The following MTSS1 variants were observed in gnomAD, a reference collection of about 807,000 sequenced individuals.
MTSS1 encodes the protein MTSS I-BAR domain containing 1, also known as protein MTSS 1.
A neutral mutation model predicts 79.0 loss-of-function variants in MTSS1; 18 were observed. The observed-to-expected ratio is 0.23, with a 90% CI of 0.16 to 0.34. MTSS1 has a LOEUF of 0.34. Ranked by LOEUF, MTSS1 falls within the 10% of genes least tolerant of loss-of-function variation. The probability of loss-of-function intolerance (pLI) is 1.00; values close to 1 mark genes in which losing one functional copy is unlikely to be tolerated. For synonymous variants in MTSS1, 341 were observed against 368.6 expected, an observed-to-expected ratio of 0.93 and a Z score of 0.86; for missense variants, 815 against 986.2, an observed-to-expected ratio of 0.83 and a Z score of 2.33.
intron 13 of MTSS1, among the ~76,000 whole-genome samples, chr8:124,554,240 G>A (rs1823092333): frequency 6.6e-6 from 1 of 152,196 alleles, no homozygotes. Flanking sequence ...TGATGTGGGA[G>A]CTTACAGATT....
chr8:124,716,499 G>C (rs931698195), intron 1 of MTSS1, among the ~76,000 whole-genome samples: 1 of 152,068 alleles, frequency 6.6e-6, no homozygotes, highest in African/African-American at 2.4e-5. Flanking sequence ...GTGACCCAGG[G>C]GGCACTCCCA....
chr8:124,728,239 T>C lies in MTSS1; in HGVS notation c.-284A>G, dbSNP rs940193076. ...AGAAGACTGACAATCAGGCCACCACTGGTGCCCACTACGGAAACGGCAAAG... is the reference window on the plus strand; with the variant it reads ...AGAAGACTGACAATCAGGCCACCACCGGTGCCCACTACGGAAACGGCAAAG... On this transcript the variant is annotated 5_prime_UTR_variant, in exon 1 of 14. Coordinates refer to ENST00000518547, the MANE Select transcript of MTSS1 (RefSeq NM_014751.6). The surrounding 1 kb of genome is among the most constrained non-coding windows in gnomAD (Gnocchi z 6.1). 1.4e-4 allele frequency: 42 copies of C among 290,542 alleles called. No individual in the cohort carries two copies. The highest frequency in any genetic ancestry group is 7.8e-4 in the African/African-American group (36 of 45,882). 18.0% of individuals were successfully genotyped at this position (290,542 alleles called of 1,614,324 possible).
chr8:124,699,473 G>A (rs977613788), intron 3 of MTSS1, 53 bp downstream of exon 3: 2 of 1,510,606 alleles, frequency 1.3e-6, no homozygotes, highest in Admixed American at 3.4e-5. Context: ...CCAAGGGGAA[G>A]AGTCCACGTG....
At chr8:124,660,428 G>T (rs922306908) in intron 3 of MTSS1, among the ~76,000 whole-genome samples, 1 of 115,404 alleles carries the variant, frequency 8.7e-6, no homozygotes, top group Non-Finnish European at 1.7e-5. Context: ...TTGCCCATGC[G>T]CATGCACACA....
intron 8 of MTSS1, among the ~76,000 whole-genome samples, chr8:124,566,836 C>G (rs1251549728): frequency 1.3e-5 from 2 of 152,182 alleles, no homozygotes; most frequent in Non-Finnish European, 2.9e-5. Flanking sequence ...ATAAAACAAG[C>G]ATAATCATGA....
chr8:124,725,740 T>C (rs1241881146), intron 1 of MTSS1, among the ~76,000 whole-genome samples: 1 of 152,208 alleles, frequency 6.6e-6, no homozygotes, highest in Non-Finnish European at 1.5e-5. Context: ...CTGTTCAAAT[T>C]TAAAAATTTT....
intron 3 of MTSS1, among the ~76,000 whole-genome samples, chr8:124,652,447 T>G (rs1157075199): frequency 6.6e-6 from 1 of 151,954 alleles, no homozygotes; most frequent in African/African-American, 2.4e-5. Flanking sequence ...ATTACAGGAA[T>G]GAGCCACCAT....
intron 3 of MTSS1, among the ~76,000 whole-genome samples, chr8:124,651,928 G>A (rs973661970): frequency 6.6e-6 from 1 of 152,128 alleles, no homozygotes; most frequent in African/African-American, 2.4e-5. Context: ...GCCAGTCCTT[G>A]TCTGTCAGAA....
chr8:124,578,288 G>A (rs545082753), intron 6 of MTSS1, among the ~76,000 whole-genome samples: 2 of 152,144 alleles, frequency 1.3e-5, no homozygotes, highest in Non-Finnish European at 2.9e-5. Flanking sequence ...CACACACACA[G>A]TGTGACACGT....
chr8:124,627,569 G>A (rs1587404253), intron 3 of MTSS1, among the ~76,000 whole-genome samples: 1 of 152,256 alleles, frequency 6.6e-6, no homozygotes, highest in Non-Finnish European at 1.5e-5. Context: ...AGGAGACAGA[G>A]ACAATATAAG....
intron 3 of MTSS1, among the ~76,000 whole-genome samples, chr8:124,606,542 T>C (rs932380214): frequency 1.3e-5 from 2 of 152,088 alleles, no homozygotes; most frequent in African/African-American, 4.8e-5. Context: ...AATTCAGAAT[T>C]TACATCCAGG....
rs1826493436 is a variant in MTSS1 at position 124,683,661 on chromosome 8, G to A, written c.208+15865C>T. ...CATATCTGAATCTGGCTGCAAATCTGTCAAGACACAGGGCGGGTGGAAACA... is the reference window on the plus strand; with the variant it reads ...CATATCTGAATCTGGCTGCAAATCTATCAAGACACAGGGCGGGTGGAAACA... On this transcript the variant is annotated intron_variant, in intron 3 of 13. Transcript: ENST00000518547. This position sits in a 1 kb window ranked among gnomAD's most constrained non-coding sequence, Gnocchi z 4.5. 6.6e-6 allele frequency among the ~76,000 whole-genome samples: 1 copy of A among 152,196 alleles called. No homozygotes were observed. Among genetic ancestry groups the A allele is most frequent in the African/African-American group, 2.4e-5 (1 of 41,450 alleles).
chr8:124,574,993 T>C (rs972194283), intron 6 of MTSS1, among the ~76,000 whole-genome samples: 3 of 152,042 alleles, frequency 2.0e-5, no homozygotes, highest in Admixed American at 1.3e-4. Context: ...CCTTTCTTAG[T>C]GGTCTGGAAA....
At chr8:124,609,485 T>A (rs149445205) in intron 3 of MTSS1, among the ~76,000 whole-genome samples, 44 of 152,160 alleles carry the variant, frequency 2.9e-4, no homozygotes, top group African/African-American at 1.0e-3. Flanking sequence ...ACCTTCAGAG[T>A]GACTTGGTAT....
At chr8:124,623,947 G>A (rs935286371) in intron 3 of MTSS1, among the ~76,000 whole-genome samples, 8 of 152,192 alleles carry the variant, frequency 5.3e-5, no homozygotes, top group Non-Finnish European at 8.8e-5. Context: ...CGGGGCCCGC[G>A]CTAAGCACCT....
intron 1 of MTSS1, among the ~76,000 whole-genome samples, chr8:124,704,418 C>A (rs1436860326): frequency 6.6e-6 from 1 of 152,172 alleles, no homozygotes; most frequent in African/African-American, 2.4e-5. Flanking sequence ...ATCAACTGAA[C>A]TAGTTTGGCA....
chr8:124,714,043 A>G (rs1026420729), intron 1 of MTSS1, among the ~76,000 whole-genome samples: 21 of 152,200 alleles, frequency 1.4e-4, no homozygotes, highest in African/African-American at 5.1e-4. Context: ...CATGGCCATT[A>G]CGGCCATGAC....
At chr8:124,612,014 A>C (rs1419536253) in intron 3 of MTSS1, among the ~76,000 whole-genome samples, 1 of 152,218 alleles carries the variant, frequency 6.6e-6, no homozygotes, top group Non-Finnish European at 1.5e-5. Flanking sequence ...AAGGTTCCCA[A>C]TCAGGAACCC....
rs144717252 is a variant in MTSS1 at position 124,688,205 on chromosome 8, G to T, written c.208+11321C>A. Reference sequence around the variant, plus strand: ...GTATGTATGTGCATATGTGTATGTTGTGTGTATATATGCGTGTGTATGTGT... The same window carrying T: ...GTATGTATGTGCATATGTGTATGTTTTGTGTATATATGCGTGTGTATGTGT... On this transcript the variant is annotated intron_variant, in intron 3 of 13. Transcript: ENST00000518547. Among the ~76,000 whole-genome samples the T allele has an allele frequency of 3.3e-5, 5 of 152,002 alleles. No homozygotes were observed. The East Asian group carries it at 9.7e-4, about 29-fold the overall frequency.
Sources: allele counts gnomAD v4.1 joint callset (sites outside exome capture counted in the v4.1 genomes callset), GRCh38; gene constraint gnomAD v4.1.1; non-coding constraint Gnocchi (gnomAD v3.1); transcripts MANE v1.5; gene names NCBI Gene and HGNC (gene_info 2026-07-23, HGNC 2026-07-21).